MARK2: variants seen among roughly 807,000 people sequenced by gnomAD.
MARK2 encodes the protein microtubule affinity regulating kinase 2, also known as serine/threonine-protein kinase MARK2.
MARK2 carries 16 observed loss-of-function variants against 89.8 expected under a neutral mutation model. The observed-to-expected ratio is 0.18, with a 90% CI of 0.12 to 0.27. MARK2 has a LOEUF of 0.27. Among genes scored for constraint, MARK2 ranks in the 10% least tolerant of loss-of-function variants. The pLI is 1.00. For synonymous variants in MARK2, 382 were observed against 399.5 expected, an observed-to-expected ratio of 0.96 and a Z score of 0.52; for missense variants, 621 against 1,049.9, an observed-to-expected ratio of 0.59 and a Z score of 5.65.
At chr11:63,853,263 G>T (rs971442660) in intron 1 of MARK2, among the ~76,000 whole-genome samples, 9 of 152,174 alleles carry the variant, frequency 5.9e-5, no homozygotes, top group Non-Finnish European at 1.0e-4. Context: ...GCCAGGCGTG[G>T]TGGCGCATGC....
intron 1 of MARK2, among the ~76,000 whole-genome samples, chr11:63,861,967 A>G (rs1367216924): frequency 1.5e-5 from 2 of 132,960 alleles, no homozygotes; most frequent in Admixed American, 8.8e-5. Context: ...CTTGTTGCTC[A>G]GGCTAGAGTG....
At chr11:63,859,906 A>T (rs1937650378) in intron 1 of MARK2, among the ~76,000 whole-genome samples, 1 of 152,212 alleles carries the variant, frequency 6.6e-6, no homozygotes, top group Non-Finnish European at 1.5e-5. Flanking sequence ...CTGGGATGAC[A>T]GTCATGAGCC....
intron 1 of MARK2, among the ~76,000 whole-genome samples, chr11:63,851,602 ACT>A (rs1034364607): frequency 6.7e-6 from 1 of 149,776 alleles, no homozygotes; most frequent in African/African-American, 2.5e-5. Flanking sequence ...TCCTTGTTCC[ACT>A]CTCCCTAACC....
chr11:63,847,312 A>G (rs1228951396), intron 1 of MARK2, among the ~76,000 whole-genome samples: 1 of 152,242 alleles, frequency 6.6e-6, no homozygotes, highest in Non-Finnish European at 1.5e-5. Context: ...AACTAAATGA[A>G]CAGAAGATTT....
chr11:63,888,388 G>C (rs1228740196), intron 1 of MARK2: 4 of 281,600 alleles, frequency 1.4e-5, no homozygotes, highest in African/African-American at 2.3e-5. Flanking sequence ...GGTGAGCTAG[G>C]GTTTTATGAC....
intron 1 of MARK2, among the ~76,000 whole-genome samples, chr11:63,875,755 G>A (rs1938712167): frequency 6.6e-6 from 1 of 152,206 alleles, no homozygotes; most frequent in South Asian, 2.1e-4. Context: ...GTTGTGTGAA[G>A]GACAGTGGCG....
intron 1 of MARK2, among the ~76,000 whole-genome samples, chr11:63,864,329 C>T (rs751188328): frequency 2.5e-4 from 38 of 151,782 alleles, no homozygotes; most frequent in South Asian, 1.5e-3. Context: ...CTCGGCTCAC[C>T]GCAACCTCCG....
rs944417026 is a variant in MARK2 at position 63,885,968 on chromosome 11, A to G, written c.55-9191A>G. ...ATGGTGAAACCTCGTCTCTACTAAA[A>G]ATATAAAAAAATTAGCTGAGTGTGG... On this transcript the variant is annotated intron_variant, in intron 1 of 18. Transcript: ENST00000402010. 6.6e-5 allele frequency among the ~76,000 whole-genome samples: 10 copies of G among 151,948 alleles called. No individual in the cohort carries two copies. The East Asian group carries it at 1.9e-3, about 30-fold the overall frequency.
chr11:63,874,319 T>C lies in MARK2; in HGVS notation c.55-20840T>C, dbSNP rs976161832. 8.5e-5 allele frequency among the ~76,000 whole-genome samples: 13 copies of C among 152,254 alleles called. 1 individual carries two copies. The highest frequency in any genetic ancestry group is 3.1e-4 in the African/African-American group (13 of 41,468). Reference sequence around the variant, plus strand: ...GCATTTTGATTTCTGATTGGGAGTTTAGGCATCTGAGAATTGAATGCTTGC... The same window carrying C: ...GCATTTTGATTTCTGATTGGGAGTTCAGGCATCTGAGAATTGAATGCTTGC... On this transcript the variant is annotated intron_variant, in intron 1 of 18. Transcript: ENST00000402010.
intron 1 of MARK2, among the ~76,000 whole-genome samples, chr11:63,886,599 T>C (rs1052154832): frequency 6.6e-6 from 1 of 152,182 alleles, no homozygotes; most frequent in African/African-American, 2.4e-5. Flanking sequence ...AATTTTTGTA[T>C]TTTTAGTGGA....
intron 1 of MARK2, among the ~76,000 whole-genome samples, chr11:63,844,774 C>G (rs1207646682): frequency 6.6e-6 from 1 of 152,134 alleles, no homozygotes; most frequent in African/African-American, 2.4e-5. Flanking sequence ...GATTGTTTCC[C>G]CTTTGGACAG....
chr11:63,851,068 A>G (rs2016551329), intron 1 of MARK2, among the ~76,000 whole-genome samples: 1 of 152,182 alleles, frequency 6.6e-6, no homozygotes, highest in African/African-American at 2.4e-5. Context: ...TTTCCCTCAT[A>G]GAGTGGCCTT....
chr11:63,891,267 G>GATA (rs1208165511), intron 1 of MARK2, among the ~76,000 whole-genome samples: 4 of 152,028 alleles, frequency 2.6e-5, no homozygotes, highest in Non-Finnish European at 5.9e-5. Context: ...TGATGTTGAT[G>GATA]ATAATAATAA....
intron 1 of MARK2, among the ~76,000 whole-genome samples, chr11:63,882,346 G>A (rs962217064): frequency 8.5e-5 from 13 of 152,202 alleles, no homozygotes; most frequent in African/African-American, 2.9e-4. Context: ...CACTTTGGGA[G>A]GCCGAGCTGG....
Position 63,902,878 on chromosome 11 carries a change from T to A in MARK2, c.1416+96T>A. 1.7e-6 allele frequency: 2 copies of A among 1,181,980 alleles called. No individual in the cohort carries two copies. Among genetic ancestry groups the A allele is most frequent in the Non-Finnish European group, 2.5e-6 (2 of 812,940 alleles). 73.2% of individuals were successfully genotyped at this position (1,181,980 alleles called of 1,614,324 possible). On this transcript the variant is annotated intron_variant, in intron 13 of 18. Coordinates refer to ENST00000402010, the MANE Select transcript of MARK2 (RefSeq NM_001039469.3). The surrounding 1 kb of genome is among the most constrained non-coding windows in gnomAD (Gnocchi z 4.2). Reference sequence around the variant, plus strand: ...TAATTCAGACTCTGTTCCCTTTGGCTACTACTTCTGCTTATAGCAGGAAGC... The same window carrying A: ...TAATTCAGACTCTGTTCCCTTTGGCAACTACTTCTGCTTATAGCAGGAAGC...
At chr11:63,859,819 A>G (rs1445721109) in intron 1 of MARK2, among the ~76,000 whole-genome samples, 16 of 151,770 alleles carry the variant, frequency 1.1e-4, no homozygotes, top group Admixed American at 9.8e-4. Flanking sequence ...TTTAGTAGAG[A>G]CAGGATTTTG....
At position 63,908,910 on chromosome 11, in the gene MARK2, A is replaced by G; in HGVS notation, c.2040A>G (p.Lys680=). 6.6e-7 allele frequency: 1 copy of G among 1,507,850 alleles called. No homozygotes were observed. The highest frequency in any genetic ancestry group is 8.9e-7 in the Non-Finnish European group (1 of 1,121,592). 93.4% of individuals were successfully genotyped at this position (1,507,850 alleles called of 1,614,324 possible). A position where few individuals can be genotyped will look rare whatever the true frequency, so the allele number is the denominator to read the frequency against. The change falls in exon 19 of 19, where the codon AAA becomes AAG. Residue 680 remains lysine, a synonymous_variant. Coordinates refer to ENST00000402010, the MANE Select transcript of MARK2 (RefSeq NM_001039469.3). ...TGGTGGGCAGTGGCGGCAACGACAA[A>G]GAAAAGGAAGAATTTCGGGAGGCCA... The part of the protein sequence containing the change: ...PHVVGSGGND[K]EKEEFREAKP...
chr11:63,885,100 G>A (rs1939314973), intron 1 of MARK2, among the ~76,000 whole-genome samples: 1 of 152,142 alleles, frequency 6.6e-6, no homozygotes, highest in Non-Finnish European at 1.5e-5. Flanking sequence ...GTATTCAAGA[G>A]GAAGATCACT....
chr11:63,904,654 T>G lies in MARK2; in HGVS notation c.1677-132T>G. 1 of 745,264 alleles carries G rather than the reference T, an allele frequency of 1.3e-6. No individual in the cohort carries two copies. Among genetic ancestry groups the G allele is most frequent in the East Asian group, 2.5e-5 (1 of 40,300 alleles). 46.2% of individuals were successfully genotyped at this position (745,264 alleles called of 1,614,324 possible). ...TGTCCTCAGTAGTCACACCCTTCCT[T>G]CTGTGTCCTCGTGATGGCTGCCTCT... On this transcript the variant is annotated intron_variant, in intron 15 of 18. Transcript: ENST00000402010. This position sits in a 1 kb window ranked among gnomAD's most constrained non-coding sequence, Gnocchi z 6.3.
Sources: gnomAD v4.1 joint callset for allele counts (sites outside exome capture counted in the v4.1 genomes callset) on GRCh38, gnomAD v4.1.1 for gene constraint, Gnocchi (gnomAD v3.1) non-coding constraint, MANE v1.5 for transcripts, NCBI Gene and HGNC (gene_info 2026-07-23, HGNC 2026-07-21) for gene names.